ABCD3: variants seen among roughly 807,000 people sequenced by gnomAD.
The protein encoded by ABCD3 is ATP binding cassette subfamily D member 3.
In ABCD3, 41 loss-of-function variants were observed where a neutral mutation model predicts 105.5. The ratio of observed to expected loss-of-function variants is 0.39; its 90% CI spans 0.30 to 0.50. The LOEUF is 0.50. Among genes scored for constraint, ABCD3 ranks in the 20% least tolerant of loss-of-function variants. The pLI, the probability that ABCD3 is intolerant of heterozygous loss-of-function variation, is 0.84. For synonymous variants in ABCD3, 258 were observed against 269.0 expected (o/e 0.96, Z 0.40); for missense variants, 622 against 806.3 (o/e 0.77, Z 2.77).
chr1:94,473,880 A>G (rs1194613812), intron 5 of ABCD3, 45 bp downstream of exon 5: 1 of 1,468,406 alleles, frequency 6.8e-7, no homozygotes, highest in African/African-American at 1.4e-5. Context: ...GGAAATTTGC[A>G]TCTTATTAAA....
chr1:94,463,196 G>A (rs1647961636), intron 2 of ABCD3, among the ~76,000 whole-genome samples: 1 of 152,202 alleles, frequency 6.6e-6, no homozygotes, highest in African/African-American at 2.4e-5. Context: ...GACCTGAAAT[G>A]CTGAGTCTCT....
chr1:94,402,297 CT>C, the ABCD3 span, among the ~76,000 whole-genome samples: 1 of 152,062 alleles, frequency 6.6e-6, no homozygotes, highest in African/African-American at 2.4e-5. Context: ...CTAAACAAAT[CT>C]TTTTGTTTTG....
intron 1 of ABCD3, among the ~76,000 whole-genome samples, chr1:94,426,789 C>A (rs1420831210): frequency 6.6e-6 from 1 of 151,590 alleles, no homozygotes; most frequent in Non-Finnish European, 1.5e-5. Flanking sequence ...AGGTGATCTG[C>A]CTACCTCGGC....
At chr1:94,469,889 C>A (rs1342270900) in intron 4 of ABCD3, among the ~76,000 whole-genome samples, 2 of 151,812 alleles carry the variant, frequency 1.3e-5, no homozygotes, top group Non-Finnish European at 2.9e-5. Flanking sequence ...ATGGTCTTGA[C>A]CTCCTGACCT....
rs1468310807 is a variant in ABCD3, at chr1:94,510,447, T to G, written c.1845+3805T>G. Among the ~76,000 whole-genome samples, 6 of 152,202 alleles carry G rather than the reference T, an allele frequency of 3.9e-5. No individual in the cohort carries two copies. In the East Asian group the frequency reaches 1.2e-3, roughly 29 times the overall value. On this transcript the variant is annotated intron_variant, in intron 21 of 22. Coordinates refer to ENST00000370214, the MANE Select transcript of ABCD3 (RefSeq NM_002858.4). ...TTTTGGAATAGGTGTGGTGTGGTGCTGAAAAAAATGTGTATTCTGTTGATT... is the reference window on the plus strand; with the variant it reads ...TTTTGGAATAGGTGTGGTGTGGTGCGGAAAAAAATGTGTATTCTGTTGATT...
chr1:94,400,530 A>G, the ABCD3 span, among the ~76,000 whole-genome samples: 3 of 152,234 alleles, frequency 2.0e-5, no homozygotes, highest in Non-Finnish European at 4.4e-5. Flanking sequence ...GACAGGAAGC[A>G]CCCTCCCCTC....
At chr1:94,418,381 G>A (rs1197001890), upstream of ABCD3, 7 of 1,119,976 alleles carry the variant, frequency 6.3e-6, no homozygotes, top group African/African-American at 4.7e-5. Context: ...CCCGCCCTCT[G>A]CTCTCCTCCC....
the ABCD3 span, among the ~76,000 whole-genome samples, chr1:94,392,641 A>G: frequency 6.6e-6 from 1 of 152,142 alleles, no homozygotes; most frequent in Non-Finnish European, 1.5e-5. Context: ...CCGTAAATAC[A>G]TCTTTCCCAA....
In ABCD3 at chr1:94,498,806, T is replaced by C. The variant is rs769732183; in HGVS notation, c.1488T>C (p.Arg496=). The change falls in exon 18 of 23, where the codon CGT becomes CGC. Residue 496 remains arginine (R), a synonymous_variant. Transcript: ENST00000370214. The part of the protein sequence containing the change: ...LGELWPLFGG[R]LTKPERGKLF... ...AGTTATGGCCTCTTTTTGGAGGACG[T>C]CTAACTAAACCTGAAAGAGGAAAAT... The C allele has an allele frequency of 1.2e-6, 2 of 1,613,850 alleles. No individual in the cohort carries two copies. Among genetic ancestry groups the C allele is most frequent in the Non-Finnish European group, 8.5e-7 (1 of 1,179,936 alleles).
intron 1 of ABCD3, among the ~76,000 whole-genome samples, chr1:94,450,392 G>A (rs925095638): frequency 6.6e-6 from 1 of 152,242 alleles, no homozygotes; most frequent in Non-Finnish European, 1.5e-5. Flanking sequence ...ACATGTTCCT[G>A]ATGGCCATGA....
chr1:94,515,129 C>A lies in ABCD3; in HGVS notation c.1846-17C>A, dbSNP rs373466222. 1.3e-6 allele frequency: 2 copies of A among 1,596,772 alleles called. No individual in the cohort carries two copies. Among genetic ancestry groups the A allele is most frequent in the Admixed American group, 1.7e-5 (1 of 59,754 alleles). On this transcript the variant is annotated splice_polypyrimidine_tract_variant and intron_variant, in intron 21 of 22. Coordinates refer to ENST00000370214, the MANE Select transcript of ABCD3 (RefSeq NM_002858.4). ...ACTCTGTTACTCATTAAACCTAAAT[C>A]ATTTTCTTTGTATTAGGTTGGCATC...
chr1:94,495,873 A>G (rs1570818260), intron 16 of ABCD3, among the ~76,000 whole-genome samples: 1 of 152,212 alleles, frequency 6.6e-6, no homozygotes, highest in Non-Finnish European at 1.5e-5. Flanking sequence ...ATTTTATATG[A>G]TAACCTTGCT....
intron 21 of ABCD3, chr1:94,514,098 A>G (rs1650815526): frequency 2.0e-5 from 3 of 152,050 alleles, no homozygotes; most frequent in Admixed American, 1.3e-4. Context: ...AAAATTAAGA[A>G]ACCATGGTGG....
At chr1:94,396,972 C>T in the ABCD3 span, among the ~76,000 whole-genome samples, 1 of 151,986 alleles carries the variant, frequency 6.6e-6, no homozygotes, top group African/African-American at 2.4e-5. Flanking sequence ...ACCTATATTT[C>T]TTTATATTTA....
the ABCD3 span, among the ~76,000 whole-genome samples, chr1:94,401,477 G>A: frequency 6.6e-6 from 1 of 152,178 alleles, no homozygotes; most frequent in South Asian, 2.1e-4. Context: ...TCACATACTG[G>A]TTAGTTGTGT....
upstream of ABCD3, among the ~76,000 whole-genome samples, chr1:94,413,818 C>T (rs1415824864): frequency 6.6e-6 from 1 of 152,134 alleles, no homozygotes; most frequent in Non-Finnish European, 1.5e-5. Flanking sequence ...TCCCCAGACA[C>T]CCTACTACAT....
chr1:94,488,016 A>G (rs1452347668), intron 13 of ABCD3, 33 bp downstream of exon 13: 1 of 1,505,088 alleles, frequency 6.6e-7, no homozygotes, highest in African/African-American at 1.4e-5. Context: ...GTTGCAGAAA[A>G]TAATTTTTAA....
chr1:94,510,972 G>C (rs1417187588), intron 21 of ABCD3, among the ~76,000 whole-genome samples: 1 of 151,994 alleles, frequency 6.6e-6, no homozygotes, highest in African/African-American at 2.4e-5. Context: ...CTTTTAATTG[G>C]AGCATTTAGT....
chr1:94,428,532 G>A (rs1289539511), intron 1 of ABCD3, among the ~76,000 whole-genome samples: 2 of 152,122 alleles, frequency 1.3e-5, no homozygotes, highest in East Asian at 3.9e-4. Flanking sequence ...GACATAGTAC[G>A]ATATGGTTTG....
Sources: gnomAD v4.1 joint callset for allele counts (sites outside exome capture counted in the v4.1 genomes callset) on GRCh38, gnomAD v4.1.1 for gene constraint, MANE v1.5 for transcripts, NCBI Gene and HGNC (gene_info 2026-07-23, HGNC 2026-07-21) for gene names.